Variants in TUSC3 observed in about 807,000 individuals in gnomAD.
The protein encoded by TUSC3 is tumor suppressor candidate 3.
In TUSC3, 45 loss-of-function variants were observed where a neutral mutation model predicts 44.8. That is an observed-to-expected ratio of 1.00 (90% CI 0.79 to 1.29). The LOEUF (loss-of-function observed/expected upper bound fraction) is 1.29. TUSC3 is among the 50% of genes most tolerant of loss of function. TUSC3 has a pLI of 0.00. For synonymous variants in TUSC3, 212 were observed against 152.9 expected (o/e 1.39, Z -2.85); for missense variants, 519 against 437.9 (o/e 1.19, Z -1.65).
chr8:15,715,267 A>T (rs1334538072), intron 6 of TUSC3, among the ~76,000 whole-genome samples: 1 of 152,202 alleles, frequency 6.6e-6, no homozygotes. Context: ...ACAGTAAGAG[A>T]TGAACAGCAA....
rs188808977 is a variant in TUSC3, at chr8:15,499,828, A to G, written n.189+16345A>G. Reference sequence around the variant, plus strand: ...CAGCTTGTCAACTGTAGATTCTAAGACTTCTCAGCTTCCATAAGTGTATGA... The same window carrying G: ...CAGCTTGTCAACTGTAGATTCTAAGGCTTCTCAGCTTCCATAAGTGTATGA... On this transcript the variant is annotated intron_variant and non_coding_transcript_variant, in intron 2 of 5. Transcript: ENST00000503191. Among the ~76,000 whole-genome samples, 3 of 152,162 alleles carry G rather than the reference A, an allele frequency of 2.0e-5. No individual in the cohort carries two copies. The East Asian group carries it at 5.8e-4, about 30-fold the overall frequency.
At chr8:15,663,519 C>A (rs936603884) in intron 5 of TUSC3, among the ~76,000 whole-genome samples, 1 of 151,816 alleles carries the variant, frequency 6.6e-6, no homozygotes, top group African/African-American at 2.4e-5. Flanking sequence ...GCAAGAGTCA[C>A]CTTGAAGCAA....
At position 15,558,532 on chromosome 8, in the gene TUSC3, G is replaced by A. The variant is rs375511906; in HGVS notation, c.138+17964G>A. ...GATGCTGGCCTCATAAAATGAGTTA[G>A]GGAGGATTCCCTCTTTTTCTATTGA... On this transcript the variant is annotated intron_variant, in intron 1 of 10. Coordinates refer to ENST00000503731, the MANE Select transcript of TUSC3 (RefSeq NM_006765.4). Among the ~76,000 whole-genome samples the A allele has an allele frequency of 0.015, 1,050 of 70,376 alleles. 43 individuals are homozygous for A. The East Asian group carries it at 0.17, about 11-fold the overall frequency. 46.2% of individuals were successfully genotyped at this position (70,376 alleles called of 152,430 possible).
At chr8:15,520,612 T>C (rs921344691) in intron 2 of TUSC3, among the ~76,000 whole-genome samples, 2 of 152,226 alleles carry the variant, frequency 1.3e-5, no homozygotes, top group African/African-American at 4.8e-5. Flanking sequence ...TTGTATTGCA[T>C]GTACCTGGAA....
chr8:15,501,170 A>T (rs137861450), intron 2 of TUSC3, among the ~76,000 whole-genome samples: 2,009 of 152,272 alleles, frequency 0.013, 22 homozygotes, highest in East Asian at 0.044. Flanking sequence ...TAACCACAAA[A>T]GACTGCAAGG....
chr8:15,429,917 C>A (rs1221519754), intron 1 of TUSC3, among the ~76,000 whole-genome samples: 2 of 151,538 alleles, frequency 1.3e-5, no homozygotes, highest in African/African-American at 2.4e-5. Flanking sequence ...TACACCGTCC[C>A]AAGACTAAAC....
At chr8:15,511,622 C>G (rs1025290078) in intron 2 of TUSC3, among the ~76,000 whole-genome samples, 1 of 152,120 alleles carries the variant, frequency 6.6e-6, no homozygotes, top group Non-Finnish European at 1.5e-5. Flanking sequence ...GTAATTCCAG[C>G]ACTTTGGGAG....
intron 6 of TUSC3, among the ~76,000 whole-genome samples, chr8:15,702,372 A>G (rs1474290450): frequency 6.6e-6 from 1 of 152,184 alleles, no homozygotes; most frequent in Non-Finnish European, 1.5e-5. Context: ...TAGCTTTAGA[A>G]TGCTTTATTT....
intron 6 of TUSC3, among the ~76,000 whole-genome samples, chr8:15,686,054 GTTTA>G (rs953155402): frequency 9.9e-5 from 15 of 152,192 alleles, no homozygotes; most frequent in East Asian, 3.9e-4. Flanking sequence ...TGCTTTGCAA[GTTTA>G]TTTGTTTGTC....
intron 1 of TUSC3, among the ~76,000 whole-genome samples, chr8:15,595,858 G>T (rs1804046042): frequency 6.6e-6 from 1 of 152,220 alleles, no homozygotes; most frequent in East Asian, 1.9e-4. Context: ...TTGTACTTCT[G>T]CTATCTTTAC....
chr8:15,649,210 G>GT (rs893441256), intron 2 of TUSC3, among the ~76,000 whole-genome samples: 10 of 151,940 alleles, frequency 6.6e-5, no homozygotes, highest in South Asian at 2.1e-4. Context: ...TCAAATACAT[G>GT]TTTTTTTTCG....
rs1258587349 is a variant in TUSC3 at position 15,502,050 on chromosome 8, AACC to A, written n.189+18569_189+18571del. Among the ~76,000 whole-genome samples the A allele has an allele frequency of 6.6e-5, 10 of 152,290 alleles. No homozygotes were observed. The East Asian group carries it at 1.4e-3, about 21-fold the overall frequency. ...AATCATCTATTGGTTTCCTTTATAC[AACC>A]ATCACTTATGTGTTATCACCATCTA... is the stretch of plus-strand genomic sequence containing the variant. On this transcript the variant is annotated intron_variant and non_coding_transcript_variant, in intron 2 of 5. Transcript: ENST00000503191.
In TUSC3 at chr8:15,658,618, G is replaced by A. The variant is rs900787689; in HGVS notation, c.427-889G>A. 4.5e-5 allele frequency among the ~76,000 whole-genome samples: 6 copies of A among 133,790 alleles called. No individual in the cohort carries two copies. In the East Asian group the frequency reaches 7.0e-4, roughly 16 times the overall value. The allele number at this position is 133,790 out of a possible 152,430, so 87.8% of individuals were successfully genotyped here. The stretch of plus-strand genomic sequence containing the variant: ...TTCCTGGGCAACAGAAATTTAATTC[G>A]TGTATATATACACATATATATACAC... On this transcript the variant is annotated intron_variant, in intron 3 of 10. Transcript: ENST00000503731.
intron 2 of TUSC3, among the ~76,000 whole-genome samples, chr8:15,511,427 G>A (rs1289838734): frequency 6.6e-6 from 1 of 152,164 alleles, no homozygotes; most frequent in Non-Finnish European, 1.5e-5. Flanking sequence ...TGTGAATTTA[G>A]CAAGGTTGAA....
chr8:15,732,458 G>GT (rs1440978128), intron 7 of TUSC3, among the ~76,000 whole-genome samples: 1 of 152,100 alleles, frequency 6.6e-6, no homozygotes, highest in Non-Finnish European at 1.5e-5. Context: ...GGAACTGTGA[G>GT]TCCGTTAAAC....
the TUSC3 span, among the ~76,000 whole-genome samples, chr8:15,772,642 C>G: frequency 6.6e-6 from 1 of 152,278 alleles, no homozygotes; most frequent in African/African-American, 2.4e-5. Context: ...GAGAAAGTAA[C>G]ACTTCCTAAT....
the TUSC3 span, among the ~76,000 whole-genome samples, chr8:15,841,607 G>C: frequency 1.3e-5 from 2 of 151,904 alleles, no homozygotes; most frequent in South Asian, 2.1e-4. Context: ...CCTGCCTCCC[G>C]GGTTCAAGCG....
chr8:15,634,661 G>C (rs1009007188), intron 2 of TUSC3, among the ~76,000 whole-genome samples: 1 of 152,130 alleles, frequency 6.6e-6, no homozygotes, highest in Non-Finnish European at 1.5e-5. Flanking sequence ...GTCTTCAAAG[G>C]TGGTTCTCAA....
At chr8:15,682,247 G>C (rs1053014787) in intron 6 of TUSC3, among the ~76,000 whole-genome samples, 1 of 152,102 alleles carries the variant, frequency 6.6e-6, no homozygotes, top group African/African-American at 2.4e-5. Context: ...CTAATGCTGT[G>C]AGTGGGGTCT....
Sources: gnomAD v4.1 joint callset for allele counts (sites outside exome capture counted in the v4.1 genomes callset) on GRCh38, gnomAD v4.1.1 for gene constraint, MANE v1.5 for transcripts, NCBI Gene and HGNC (gene_info 2026-07-23, HGNC 2026-07-21) for gene names.